KLHL5: variants seen among roughly 807,000 people sequenced by gnomAD.
The protein encoded by KLHL5 is kelch-like protein 5.
A neutral mutation model predicts 77.7 loss-of-function variants in KLHL5; 48 were observed. That is an observed-to-expected ratio of 0.62 (90% confidence interval 0.49 to 0.79). KLHL5 has a LOEUF of 0.79. Among genes scored for constraint, KLHL5 ranks in the 30% least tolerant of loss-of-function variants. The pLI is 0.00. For synonymous variants in KLHL5, 260 were observed against 297.0 expected, an observed-to-expected ratio of 0.88 and a Z score of 1.28; for missense variants, 723 against 859.7, an observed-to-expected ratio of 0.84 and a Z score of 1.99.
chr4:39,101,035 G>T (rs913859220), intron 6 of KLHL5, among the ~76,000 whole-genome samples: 2 of 149,828 alleles, frequency 1.3e-5, no homozygotes, highest in African/African-American at 5.0e-5. Context: ...TTTATAAAAG[G>T]TTAATTATTT....
chr4:39,055,414 T>C (rs1716943117), intron 1 of KLHL5, among the ~76,000 whole-genome samples: 1 of 152,226 alleles, frequency 6.6e-6, no homozygotes, highest in Non-Finnish European at 1.5e-5. Context: ...AAGTTCTGTT[T>C]CCATTTATAG....
At chr4:39,060,816 T>C (rs2711943), upstream of KLHL5, among the ~76,000 whole-genome samples, 114,560 of 152,120 alleles carry the variant, frequency 0.75, 43,150 homozygotes, top group East Asian at 0.82. Context: ...TGCACAGTAC[T>C]GCCAAGTTAA....
chr4:39,045,467 AAC>A (rs1443032027), intron 1 of KLHL5, among the ~76,000 whole-genome samples: 3 of 151,784 alleles, frequency 2.0e-5, no homozygotes, highest in Admixed American at 2.0e-4. Flanking sequence ...CTGCCAATAA[AAC>A]AAACTGGAAA....
rs201551895 is a variant in KLHL5 at position 39,081,194 on chromosome 4, G to T, written c.658G>T (p.Val220Leu). ...ACAAGAAGAAATAAAAATGGAAGGTGTAGAACCAAATTCGTTGTGGTCCTT... is the reference window on the plus strand; with the variant it reads ...ACAAGAAGAAATAAAAATGGAAGGTTTAGAACCAAATTCGTTGTGGTCCTT... ...ARQEEIKMEG[V>L]EPNSLWSLIQ... The change falls in exon 3 of 11, where the codon GTA becomes TTA. Residue 220 changes from valine to leucine, a missense_variant. Val to Leu is a conservative substitution (Grantham distance 32). Coordinates refer to ENST00000504108, the MANE Select transcript of KLHL5 (RefSeq NM_015990.5). This position sits in a 1 kb window ranked among gnomAD's most constrained non-coding sequence, Gnocchi z 4.3. 8 of 1,612,806 alleles carry T rather than the reference G, an allele frequency of 5.0e-6. No homozygotes were observed. The East Asian group carries it at 1.6e-4, about 32-fold the overall frequency.
intron 1 of KLHL5, among the ~76,000 whole-genome samples, chr4:39,046,938 G>A (rs1278027942): frequency 6.6e-6 from 1 of 152,124 alleles, no homozygotes; most frequent in Non-Finnish European, 1.5e-5. Flanking sequence ...TTCCTTTCTT[G>A]CAACAAGATT....
the KLHL5 span, among the ~76,000 whole-genome samples, chr4:39,142,441 C>T: frequency 6.6e-6 from 1 of 151,716 alleles, no homozygotes; most frequent in Non-Finnish European, 1.5e-5. Flanking sequence ...GAGACTTCTT[C>T]GGTAAAGTCA....
chr4:39,053,091 T>G (rs1378110685), intron 1 of KLHL5, among the ~76,000 whole-genome samples: 2 of 152,226 alleles, frequency 1.3e-5, no homozygotes, highest in African/African-American at 4.8e-5. Flanking sequence ...GGTTAACTGG[T>G]TTAATTAACA....
intron 2 of KLHL5, among the ~76,000 whole-genome samples, chr4:39,079,163 A>G (rs1264471662): frequency 6.6e-6 from 1 of 152,176 alleles, no homozygotes; most frequent in Non-Finnish European, 1.5e-5. Context: ...AGCCATCAAC[A>G]TCTCACTTAG....
chr4:39,102,330 C>A (rs1408781706), intron 6 of KLHL5, among the ~76,000 whole-genome samples: 2 of 147,850 alleles, frequency 1.4e-5, no homozygotes, highest in African/African-American at 5.0e-5. Context: ...TTTTAAACAT[C>A]TGCTCATCTT....
chr4:39,081,869 C>T lies in KLHL5; in HGVS notation c.704-94C>T. The T allele has an allele frequency of 1.2e-6, 1 of 869,304 alleles. No individual in the cohort carries two copies. The highest frequency in any genetic ancestry group is 3.2e-5 in the Admixed American group (1 of 31,088). The allele number at this position is 869,304 out of a possible 1,614,324, so 53.8% of individuals were successfully genotyped here. A position where few individuals can be genotyped will look rare whatever the true frequency, so the allele number is the denominator to read the frequency against. On this transcript the variant is annotated intron_variant, in intron 3 of 10. Transcript: ENST00000504108. This position sits in a 1 kb window ranked among gnomAD's most constrained non-coding sequence, Gnocchi z 4.3. ...GTAGGTCTGTAATGCATGTAATGAG[C>T]TCTTATATGGAACCACTACTGTTAA...
intron 5 of KLHL5, among the ~76,000 whole-genome samples, chr4:39,095,648 C>T (rs1720996586): frequency 6.6e-6 from 1 of 151,244 alleles, no homozygotes; most frequent in South Asian, 2.1e-4. Flanking sequence ...TATGTACATA[C>T]TGAAACAAAA....
intron 10 of KLHL5, among the ~76,000 whole-genome samples, chr4:39,118,691 G>A (rs532386856): frequency 6.6e-6 from 1 of 152,214 alleles, no homozygotes; most frequent in East Asian, 1.9e-4. Context: ...GGGAGGCAGA[G>A]GTTGCAGTAA....
At chr4:39,075,817 G>T in intron 1 of KLHL5, 148 bp from the exon 2 acceptor site, 1 of 631,156 alleles carries the variant, frequency 1.6e-6, no homozygotes. Context: ...ATTTTTAAGA[G>T]ACTAAAATGA....
intron 8 of KLHL5, among the ~76,000 whole-genome samples, chr4:39,110,329 G>T (rs1722363275): frequency 1.3e-5 from 2 of 152,190 alleles, no homozygotes; most frequent in East Asian, 1.9e-4. Context: ...GGCTGAAATG[G>T]TAACAGTTAT....
rs71643268 is a variant in KLHL5 at position 39,124,802 on chromosome 4, C to CAAAAAA, written c.*3755_*3760dup. Reference sequence around the variant, plus strand: ...GCACCAAAAGCACAAGCAACAACAGCAAAAAAAAAAAAAAAAAAAAAAAAT... The same window carrying CAAAAAA: ...GCACCAAAAGCACAAGCAACAACAGCAAAAAAAAAAAAAAAAAAAAAAAAAAAAAAT... On this transcript the variant is annotated 3_prime_UTR_variant, in exon 11 of 11. Transcript: ENST00000504108. Among the ~76,000 whole-genome samples, 522 of 43,840 alleles carry CAAAAAA rather than the reference C, an allele frequency of 0.012. 5 individuals are homozygous for CAAAAAA. Among genetic ancestry groups the CAAAAAA allele is most frequent in the Non-Finnish European group, 0.013 (293 of 22,502 alleles). 28.8% of individuals were successfully genotyped at this position (43,840 alleles called of 152,430 possible).
chr4:39,136,035 TGTGTGA>T, the KLHL5 span, among the ~76,000 whole-genome samples: 95 of 150,186 alleles, frequency 6.3e-4, no homozygotes, highest in African/African-American at 1.9e-3. Context: ...TGTGTGTGTG[TGTGTGA>T]GATCGCCACT....
intron 1 of KLHL5, among the ~76,000 whole-genome samples, chr4:39,070,903 G>A (rs2712009): frequency 0.75 from 113,973 of 151,514 alleles, 42,855 homozygotes; most frequent in East Asian, 0.82. Flanking sequence ...CTCACCTACT[G>A]CTTGTTGACT....
At position 39,109,330 on chromosome 4, in the gene KLHL5, C is replaced by G. The variant is rs188805720; in HGVS notation, c.1688+1599C>G. On this transcript the variant is annotated intron_variant, in intron 8 of 10. Coordinates refer to ENST00000504108, the MANE Select transcript of KLHL5 (RefSeq NM_015990.5). The stretch of plus-strand genomic sequence containing the variant: ...CTTTATTTTGAGAGAGAGTCTCACT[C>G]TGTCGCCCAGGCTGGAGTGCAGTGG... Among the ~76,000 whole-genome samples, 524 of 152,314 alleles carry G rather than the reference C, an allele frequency of 3.4e-3. 3 individuals are homozygous for G. The highest frequency in any genetic ancestry group is 6.3e-3 in the Non-Finnish European group (427 of 68,032).
the KLHL5 span, among the ~76,000 whole-genome samples, chr4:39,133,744 T>C: frequency 6.6e-6 from 1 of 152,122 alleles, no homozygotes; most frequent in Non-Finnish European, 1.5e-5. Flanking sequence ...AAACTATAGC[T>C]CTATAGTCAG....
Sources: gnomAD v4.1 joint callset for allele counts (sites outside exome capture counted in the v4.1 genomes callset) on GRCh38, gnomAD v4.1.1 for gene constraint, Gnocchi (gnomAD v3.1) non-coding constraint, MANE v1.5 for transcripts, NCBI Gene and HGNC (gene_info 2026-07-23, HGNC 2026-07-21) for gene names.